The following COL4A1 variants were observed in gnomAD, a reference collection of about 807,000 sequenced individuals.
COL4A1 encodes the protein collagen alpha-1(IV) chain.
COL4A1 carries 40 observed loss-of-function variants against 216.6 expected under a neutral mutation model. The ratio of observed to expected loss-of-function variants is 0.18; its 90% CI spans 0.14 to 0.24. The LOEUF (loss-of-function observed/expected upper bound fraction) is 0.24. Among genes scored for constraint, COL4A1 ranks in the 10% least tolerant of loss-of-function variants. The pLI, the probability that COL4A1 is intolerant of heterozygous loss-of-function variation, is 1.00. For synonymous variants in COL4A1, 839 were observed against 810.7 expected (o/e 1.03, Z -0.59); for missense variants, 1,628 against 2,196.8 (o/e 0.74, Z 5.18).
Position 110,206,314 on chromosome 13 carries a change from T to C in COL4A1, c.858+351A>G, listed in dbSNP as rs183258023. Among the ~76,000 whole-genome samples, 1,120 of 152,338 alleles carry C rather than the reference T, an allele frequency of 7.4e-3. 52 individuals are homozygous for C. The highest frequency in any genetic ancestry group is 0.064 in the Admixed American group (976 of 15,304). On this transcript the variant is annotated intron_variant, in intron 15 of 51. Coordinates refer to ENST00000375820, the MANE Select transcript of COL4A1 (RefSeq NM_001845.6). The stretch of plus-strand genomic sequence containing the variant: ...AAAGCAACTCAGCCTCTCAGGCTTG[T>C]GGCTGTGCAAACACTGTCTGGTGTT...
At chr13:110,290,131 A>G (rs1884027814) in intron 1 of COL4A1, among the ~76,000 whole-genome samples, 1 of 152,218 alleles carries the variant, frequency 6.6e-6, no homozygotes, top group Non-Finnish European at 1.5e-5. Flanking sequence ...TAATTTTGAC[A>G]TGCTGCTGTG....
chr13:110,261,181 G>A (rs796128141), intron 1 of COL4A1, among the ~76,000 whole-genome samples: 6 of 152,300 alleles, frequency 3.9e-5, no homozygotes, highest in African/African-American at 1.4e-4. Context: ...GCTCACCACA[G>A]GAGAGGACAA....
intron 18 of COL4A1, chr13:110,201,780 G>A (rs1879260487): frequency 1.3e-5 from 8 of 630,008 alleles, no homozygotes; most frequent in Middle Eastern, 4.6e-4. Context: ...TCAGGAGTTC[G>A]AGACCAGCCT....
chr13:110,198,078 G>GGTGTGTGT (rs35751015), intron 21 of COL4A1, among the ~76,000 whole-genome samples: 2,738 of 141,898 alleles, frequency 0.019, 46 homozygotes, highest in East Asian at 0.065. Context: ...TTGTTTCTGG[G>GGTGTGTGT]GTGTGTGTGT....
chr13:110,162,152 A>AG, intron 48 of COL4A1, 78 bp downstream of exon 48: 1 of 1,287,934 alleles, frequency 7.8e-7, no homozygotes. Context: ...GCAGCAGCAG[A>AG]GGCGAGTCCA....
Position 110,210,148 on chromosome 13 carries a change from G to A in COL4A1, c.533C>T (p.Pro178Leu), listed in dbSNP as rs1566376947. Residue 178 changes from proline (P) to leucine (L), a missense_variant, in exon 9 of 52, where the codon CCC becomes CTC. Pro to Leu is a moderately conservative substitution (Grantham distance 98). Transcript: ENST00000375820. The stretch of plus-strand genomic sequence containing the variant: ...GCTTACTGGAGTCCCTGGGATTCCG[G>A]GAAATCCTCTTTCACCTTTCAACAG... ...GMLLKGERGF[P>L]GIPGTPGPPG... 1.2e-6 allele frequency: 2 copies of A among 1,614,064 alleles called. No homozygotes were observed. Among genetic ancestry groups the A allele is most frequent in the East Asian group, 2.2e-5 (1 of 44,874 alleles).
intron 2 of COL4A1, among the ~76,000 whole-genome samples, chr13:110,231,483 C>T (rs1035035508): frequency 1.3e-5 from 2 of 152,188 alleles, no homozygotes; most frequent in Non-Finnish European, 2.9e-5. Flanking sequence ...CTTCCCTGCC[C>T]CCTGCAGATC....
chr13:110,246,555 C>T (rs1448515651), intron 1 of COL4A1, among the ~76,000 whole-genome samples: 1 of 152,162 alleles, frequency 6.6e-6, no homozygotes, highest in East Asian at 1.9e-4. Context: ...GCTATGTCAC[C>T]ATTTCATCAT....
chr13:110,210,336 C>G lies in COL4A1; in HGVS notation c.469-124G>C, dbSNP rs1879732777. ...ACTAGCCTAAGTCTGGGATTTAGAC[C>G]CCGTCTACACTGGAAATCAATAGCC... is the stretch of plus-strand genomic sequence containing the variant. On this transcript the variant is annotated intron_variant, in intron 8 of 51. Coordinates refer to ENST00000375820, the MANE Select transcript of COL4A1 (RefSeq NM_001845.6). 4 of 877,898 alleles carry G rather than the reference C, an allele frequency of 4.6e-6. No individual in the cohort carries two copies. The African/African-American group carries it at 6.7e-5, about 15-fold the overall frequency. The allele number at this position is 877,898 out of a possible 1,614,324, so 54.4% of individuals were successfully genotyped here.
chr13:110,208,950 TACAAACCTC>T, intron 11 of COL4A1, 60 bp from the exon 12 acceptor site: 1 of 1,514,466 alleles, frequency 6.6e-7, no homozygotes, highest in Non-Finnish European at 9.2e-7. Flanking sequence ...AAAGTCATTC[TACAAACCTC>T]ACACAAAATG....
In COL4A1 at chr13:110,299,349, G is replaced by C. The variant is rs114253640; in HGVS notation, c.84+7595C>G. Among the ~76,000 whole-genome samples the C allele has an allele frequency of 7.4e-3, 1,123 of 152,328 alleles. 14 individuals are homozygous for C. Among genetic ancestry groups the C allele is most frequent in the African/African-American group, 0.025 (1,019 of 41,564 alleles). ...TTCGTGGAGCCCTCCAGCTGATGCT[G>C]CTGTGAGCTCATGTTGGACAACGGC... On this transcript the variant is annotated intron_variant, in intron 1 of 51. Coordinates refer to ENST00000375820, the MANE Select transcript of COL4A1 (RefSeq NM_001845.6).
Position 110,212,720 on chromosome 13 carries a change from G to A in COL4A1, c.280-102C>T. The A allele has an allele frequency of 4.4e-6, 6 of 1,363,410 alleles. No individual in the cohort carries two copies. In the South Asian group the frequency reaches 5.9e-5, roughly 13 times the overall value. 84.5% of individuals were successfully genotyped at this position (1,363,410 alleles called of 1,614,324 possible). A position where few individuals can be genotyped will look rare whatever the true frequency, so the allele number is the denominator to read the frequency against. ...ATGGAGTCATGCCCTCATTTTTGGT[G>A]TCAGAACACACACAAAGCAGACAGA... On this transcript the variant is annotated intron_variant, in intron 4 of 51. Transcript: ENST00000375820.
At position 110,181,298 on chromosome 13, in the gene COL4A1, G is replaced by A. The variant is rs150995667; in HGVS notation, c.2187C>T (p.Gly729=). ...GGGAATGCTTGGCACTCACCTTCTG[G>A]CCCTGCACACCTGGGTTCCCAGGTA... ...NGLPGNPGVQ[G]QKGEPGVGLP... is the part of the protein sequence containing the mutation. Residue 729 remains glycine, a synonymous_variant, in exon 29 of 52, where the codon GGC becomes GGT. Transcript: ENST00000375820. 4 of 1,613,516 alleles carry A rather than the reference G, an allele frequency of 2.5e-6. No homozygotes were observed. Among genetic ancestry groups the A allele is most frequent in the East Asian group, 2.2e-5 (1 of 44,858 alleles).
At position 110,212,524 on chromosome 13, in the gene COL4A1, T is replaced by C. The variant is rs748860032; in HGVS notation, c.325-45A>G. 7.4e-6 allele frequency: 12 copies of C among 1,614,068 alleles called. No homozygotes were observed. In the South Asian group the frequency reaches 1.3e-4, roughly 18 times the overall value. ...AATGTAACCCAGGCAGAAAATCGCC[T>C]GATGGAAGAATATTTCATAAAAGAA... On this transcript the variant is annotated intron_variant, in intron 5 of 51. Transcript: ENST00000375820.
intron 49 of COL4A1, among the ~76,000 whole-genome samples, chr13:110,159,347 T>C (rs1295260766): frequency 6.6e-6 from 1 of 152,204 alleles, no homozygotes; most frequent in African/African-American, 2.4e-5. Flanking sequence ...CAGATATACA[T>C]ACAATACACA....
chr13:110,177,743 G>A lies in COL4A1; in HGVS notation c.2716+99C>T, dbSNP rs2305081. On this transcript the variant is annotated intron_variant, in intron 33 of 51. Coordinates refer to ENST00000375820, the MANE Select transcript of COL4A1 (RefSeq NM_001845.6). ...GATGTTCCTAACTTCTTTTGTAGGC[G>A]TCTTAAAGGGAAATATGATCTATGA... 187,915 of 1,267,340 alleles carry A rather than the reference G, an allele frequency of 0.15. 14,823 individuals are homozygous for A. Among genetic ancestry groups the A allele is most frequent in the Admixed American group, 0.18 (10,622 of 57,678 alleles). 78.5% of individuals were successfully genotyped at this position (1,267,340 alleles called of 1,614,324 possible).
chr13:110,179,393 A>G lies in COL4A1; in HGVS notation c.2222T>C (p.Leu741Pro). The G allele has an allele frequency of 6.2e-7, 1 of 1,614,166 alleles. No individual in the cohort carries two copies. The highest frequency in any genetic ancestry group is 8.5e-7 in the Non-Finnish European group (1 of 1,180,034). ...KGEPGVGLPG[L>P]KGLPGLPGIP... ...GCCGGGAAGACCTGGCAAACCTTTGAGTCCCGGTAGACCAACTCCAGGCTC... is the reference window on the plus strand; with the variant it reads ...GCCGGGAAGACCTGGCAAACCTTTGGGTCCCGGTAGACCAACTCCAGGCTC... The change falls in exon 30 of 52, where the codon CTC becomes CCC. Residue 741 changes from leucine (L) to proline (P), a missense_variant. Leu to Pro is a moderately conservative substitution (Grantham distance 98, BLOSUM62 -3). This residue lies in a region of COL4A1 where 701 missense variants were observed against 892.5 expected (regional missense o/e 0.79). Coordinates refer to ENST00000375820, the MANE Select transcript of COL4A1 (RefSeq NM_001845.6).
intron 8 of COL4A1, 38 bp from the exon 9 acceptor site, chr13:110,210,250 T>C (rs757043227): frequency 1.9e-6 from 3 of 1,589,294 alleles, no homozygotes; most frequent in East Asian, 2.2e-5. Context: ...GTTGCAAATA[T>C]CGACATTCAT....
intron 50 of COL4A1, among the ~76,000 whole-genome samples, chr13:110,154,177 A>C (rs1192202): frequency 0.67 from 102,304 of 152,166 alleles, 35,548 homozygotes; most frequent in African/African-American, 0.85. Flanking sequence ...ATGATGGTGC[A>C]GATGTATGTG....
Sources: gnomAD v4.1 joint callset for allele counts (sites outside exome capture counted in the v4.1 genomes callset) on GRCh38, gnomAD v4.1.1 for gene constraint, gnomAD v4.1.1 regional missense constraint, MANE v1.5 for transcripts, NCBI Gene and HGNC (gene_info 2026-07-23, HGNC 2026-07-21) for gene names.